ZXDC: variants seen among roughly 807,000 people sequenced by gnomAD.
ZXDC encodes ZXD family zinc finger C.
A neutral mutation model predicts 63.6 loss-of-function variants in ZXDC; 58 were observed. The ratio of observed to expected loss-of-function variants is 0.91; its 90% confidence interval spans 0.74 to 1.13. The LOEUF (loss-of-function observed/expected upper bound fraction) is 1.13, where lower values mean the gene tolerates loss of function less well. ZXDC is among the 50% of genes most tolerant of loss of function. The probability of loss-of-function intolerance (pLI) is 0.00; values close to 1 mark genes in which losing one functional copy is unlikely to be tolerated. For synonymous variants in ZXDC, 561 were observed against 496.1 expected, an observed-to-expected ratio of 1.13 and a Z score of -1.74; for missense variants, 1,133 against 1,148.9, an observed-to-expected ratio of 0.99 and a Z score of 0.20.
At chr3:126,451,983 A>G (rs1200609638) in intron 7 of ZXDC, 5 of 985,308 alleles carry the variant, frequency 5.1e-6, no homozygotes, top group Non-Finnish European at 6.0e-6. Flanking sequence ...ATGCCTTAGA[A>G]AAACCTTTAA....
intron 3 of ZXDC, among the ~76,000 whole-genome samples, chr3:126,471,230 T>C (rs1934967494): frequency 6.6e-6 from 1 of 152,258 alleles, no homozygotes; most frequent in African/African-American, 2.4e-5. Flanking sequence ...ATGACTAAGC[T>C]GACCCCAGAG....
chr3:126,448,983 C>G (rs188065323), intron 7 of ZXDC, among the ~76,000 whole-genome samples: 1 of 152,294 alleles, frequency 6.6e-6, no homozygotes, highest in Admixed American at 6.5e-5. Context: ...CGGGGCAGCA[C>G]GCAGGCAGGG....
intron 7 of ZXDC, chr3:126,452,961 C>G: frequency 2.1e-6 from 2 of 955,442 alleles, no homozygotes; most frequent in Non-Finnish European, 2.5e-6. Flanking sequence ...TGGTCTTGAA[C>G]TCCTGGCCTC....
At chr3:126,470,027 C>T (rs927229106) in intron 4 of ZXDC, among the ~76,000 whole-genome samples, 4 of 152,198 alleles carry the variant, frequency 2.6e-5, no homozygotes, top group South Asian at 2.1e-4. Flanking sequence ...GACCACCCGA[C>T]GTGTCCTGGC....
intron 7 of ZXDC, among the ~76,000 whole-genome samples, chr3:126,458,119 G>T (rs1184190844): frequency 2.6e-5 from 4 of 152,080 alleles, no homozygotes; most frequent in African/African-American, 9.7e-5. Flanking sequence ...TAAAATATTT[G>T]AGGCATCTGG....
rs200839369 is a variant in ZXDC at position 126,475,095 on chromosome 3, C to T, written c.771G>A (p.Ala257=). 2 of 1,609,710 alleles carry T rather than the reference C, an allele frequency of 1.2e-6. No individual in the cohort carries two copies. The highest frequency in any genetic ancestry group is 2.7e-5 in the African/African-American group (2 of 74,844). Residue 257 remains alanine (A), a synonymous_variant, in exon 1 of 10, where the codon GCG becomes GCA. Coordinates refer to ENST00000389709, the MANE Select transcript of ZXDC (RefSeq NM_025112.5). The part of the protein sequence containing the change: ...KKFTTVYNLK[A]HMKGHEQESL... Reference sequence around the variant, plus strand: ...TCTCCTGCTCGTGGCCCTTCATGTGCGCCTTGAGGTTATAGACCGTAGTGA... The same window carrying T: ...TCTCCTGCTCGTGGCCCTTCATGTGTGCCTTGAGGTTATAGACCGTAGTGA...
chr3:126,454,834 G>C (rs1934245310), intron 7 of ZXDC: 1 of 985,270 alleles, frequency 1.0e-6, no homozygotes, highest in Admixed American at 6.1e-5. Context: ...TTTACACTGA[G>C]AGAAAAATTC....
Position 126,472,015 on chromosome 3 carries a change from C to G in ZXDC, c.1097G>C (p.Gly366Ala). Residue 366 changes from glycine to alanine, a missense_variant, in exon 3 of 10, where the codon GGC (glycine) becomes GCC (alanine). Gly to Ala is a moderately conservative substitution (Grantham distance 60). Coordinates refer to ENST00000389709, the MANE Select transcript of ZXDC (RefSeq NM_025112.5). Reference sequence around the variant, plus strand: ...TTTGGACATGCTGGTGAAGGTCCAGCCACAGCTGTCAGAGTCACAAATAAA... The same window carrying G: ...TTTGGACATGCTGGTGAAGGTCCAGGCACAGCTGTCAGAGTCACAAATAAA... ...RPFICDSDSC[G>A]WTFTSMSKLL... is the part of the protein sequence containing the mutation. The G allele has an allele frequency of 6.2e-7, 1 of 1,613,724 alleles. No individual in the cohort carries two copies. Among genetic ancestry groups the G allele is most frequent in the Non-Finnish European group, 8.5e-7 (1 of 1,179,890 alleles).
chr3:126,470,790 C>A, intron 4 of ZXDC, 105 bp downstream of exon 4: 1 of 1,472,072 alleles, frequency 6.8e-7, no homozygotes, highest in East Asian at 2.3e-5. Flanking sequence ...TATATTGAGT[C>A]AGTCTTTAAG....
At chr3:126,467,938 C>T (rs800947) in intron 4 of ZXDC, among the ~76,000 whole-genome samples, 92,419 of 152,056 alleles carry the variant, frequency 0.61, 28,624 homozygotes, top group South Asian at 0.74. Flanking sequence ...TTTTAAAGTA[C>T]TTGCTAATTC....
chr3:126,455,970 A>C (rs923319495), intron 7 of ZXDC, among the ~76,000 whole-genome samples: 24 of 152,236 alleles, frequency 1.6e-4, no homozygotes, highest in Admixed American at 8.5e-4. Context: ...ACTGCTCTCC[A>C]GCCGGGGCGA....
At chr3:126,449,438 C>T (rs1159998234) in intron 7 of ZXDC, among the ~76,000 whole-genome samples, 8 of 152,144 alleles carry the variant, frequency 5.3e-5, no homozygotes, top group Non-Finnish European at 2.9e-5. Flanking sequence ...CCCTACAAAG[C>T]CAGGTCCCAT....
Position 126,475,599 on chromosome 3 carries a change from C to T in ZXDC, c.267G>A (p.Glu89=), listed in dbSNP as rs754369077. 4 of 1,469,716 alleles carry T rather than the reference C, an allele frequency of 2.7e-6. No individual in the cohort carries two copies. The highest frequency in any genetic ancestry group is 1.2e-5 in the South Asian group (1 of 80,590). 91.0% of individuals were successfully genotyped at this position (1,469,716 alleles called of 1,614,324 possible). A position where few individuals can be genotyped will look rare whatever the true frequency, so the allele number is the denominator to read the frequency against. Residue 89 remains glutamate, a synonymous_variant, in exon 1 of 10, where the codon GAG becomes GAA. Coordinates refer to ENST00000389709, the MANE Select transcript of ZXDC (RefSeq NM_025112.5). ...GCTCGGCCTCCTGTGATCCGGCAGC[C>T]TCGGCGGCAGCGCCGCCGTGCGGCA... ...LEVPHGGAAA[E]AAGSQEAEPG...
At position 126,475,771 on chromosome 3, in the gene ZXDC, C is replaced by G; in HGVS notation, c.95G>C (p.Gly32Ala). The change falls in exon 1 of 10, where the codon GGC becomes GCC. Residue 32 changes from glycine to alanine, a missense_variant. Transcript: ENST00000389709. ...GPLRRAPAPL[G>A]ASPARRRLLL... ...CAGGCGGCGGCGCGCGGGGCTCGCG[C>G]CGAGCGGCGCTGGGGCTCGGCGGAG... 1.8e-6 allele frequency: 2 copies of G among 1,137,948 alleles called. No individual in the cohort carries two copies. The highest frequency in any genetic ancestry group is 2.2e-6 in the Non-Finnish European group (2 of 930,152). 70.5% of individuals were successfully genotyped at this position (1,137,948 alleles called of 1,614,324 possible). A position where few individuals can be genotyped will look rare whatever the true frequency, so the allele number is the denominator to read the frequency against.
rs760189912 is a variant in ZXDC, at chr3:126,475,155, G to C, written c.711C>G (p.Pro237=). 1.2e-6 allele frequency: 2 copies of C among 1,606,790 alleles called. No homozygotes were observed. Among genetic ancestry groups the C allele is most frequent in the South Asian group, 2.2e-5 (2 of 89,766 alleles). Residue 237 remains proline (P), a synonymous_variant, in exon 1 of 10, where the codon CCC becomes CCG. Coordinates refer to ENST00000389709, the MANE Select transcript of ZXDC (RefSeq NM_025112.5). ...CACAGCCGCCCACTGGACAGCCGAA[G>C]GGCCGCAGCTTGTCGTGCGACTGCA... ...RHLQSHDKLR[P]FGCPVGGCGK... is the part of the protein sequence containing the mutation.
chr3:126,461,633 C>A lies in ZXDC; in HGVS notation c.2029G>T (p.Gly677Ter). The change falls in exon 6 of 10, where the codon GGA becomes TGA. Residue 677 changes from glycine (G) to a stop codon, truncating the protein, a stop_gained. Transcript: ENST00000389709. LOFTEE classifies it high-confidence loss of function. ...SRPGAVGQQE[G>*]SHGLPQSTLP... ...GTGGACTGGGGCAGCCCATGGCTTC[C>A]TTCCTGCTGCCCAACTGCTCCTGGG... The A allele has an allele frequency of 3.7e-6, 6 of 1,613,940 alleles. No individual in the cohort carries two copies. Among genetic ancestry groups the A allele is most frequent in the Non-Finnish European group, 5.1e-6 (6 of 1,180,004 alleles).
At position 126,475,104 on chromosome 3, in the gene ZXDC, G is replaced by A. The variant is rs1935134149; in HGVS notation, c.762C>T (p.Asn254=). Residue 254 remains asparagine (N), a synonymous_variant, in exon 1 of 10, where the codon AAC becomes AAT. Coordinates refer to ENST00000389709, the MANE Select transcript of ZXDC (RefSeq NM_025112.5). ...GCGKKFTTVY[N]LKAHMKGHEQ... is the part of the protein sequence containing the mutation. ...CGTGGCCCTTCATGTGCGCCTTGAGGTTATAGACCGTAGTGAACTTCTTGC... is the reference window on the plus strand; with the variant it reads ...CGTGGCCCTTCATGTGCGCCTTGAGATTATAGACCGTAGTGAACTTCTTGC... 3 of 1,610,678 alleles carry A rather than the reference G, an allele frequency of 1.9e-6. No individual in the cohort carries two copies. Among genetic ancestry groups the A allele is most frequent in the South Asian group, 1.1e-5 (1 of 90,434 alleles).
chr3:126,461,473 C>T, intron 6 of ZXDC, 62 bp downstream of exon 6: 1 of 1,533,026 alleles, frequency 6.5e-7, no homozygotes, highest in East Asian at 2.3e-5. Context: ...TCCAGAATAT[C>T]CTCAAGACCG....
intron 7 of ZXDC, among the ~76,000 whole-genome samples, chr3:126,448,975 G>A (rs1373484769): frequency 6.6e-6 from 1 of 152,214 alleles, no homozygotes; most frequent in African/African-American, 2.4e-5. Context: ...AGACGGGACG[G>A]GGCAGCACGC....
Sources: gnomAD v4.1 joint callset for allele counts (sites outside exome capture counted in the v4.1 genomes callset) on GRCh38, gnomAD v4.1.1 for gene constraint, MANE v1.5 for transcripts, NCBI Gene and HGNC (gene_info 2026-07-23, HGNC 2026-07-21) for gene names.